The following C10orf71 variants were observed in gnomAD, a reference collection of about 807,000 sequenced individuals.
C10orf71 encodes the protein chromosome 10 open reading frame 71.
For missense variants in C10orf71, 1,869 were observed against 1,804.5 expected (o/e 1.04, Z -0.65); for synonymous variants, 758 against 726.3 (o/e 1.04, Z -0.70).
At chr10:49,307,496 G>A (rs186273104) in intron 1 of C10orf71, among the ~76,000 whole-genome samples, 52 of 152,372 alleles carry the variant, frequency 3.4e-4, no homozygotes, top group Admixed American at 5.2e-4. Context: ...GTCAGAAACT[G>A]CGCAAAGAGG....
rs200637376 is a variant in C10orf71, at chr10:49,322,512, C to T, written c.-34C>T. On this transcript the variant is annotated 5_prime_UTR_variant, in exon 3 of 3. Coordinates refer to ENST00000374144, the MANE Select transcript of C10orf71 (RefSeq NM_001135196.2). ...CAGAATCATCACCAGAGACACCTGC[C>T]GGCTGACAAGGACAGCTTTCTTGGA... The T allele has an allele frequency of 9.5e-5, 148 of 1,553,856 alleles. 1 individual carries two copies. In the East Asian group the frequency reaches 2.3e-3, roughly 24 times the overall value.
chr10:49,319,432 T>C (rs1849053496), intron 2 of C10orf71, among the ~76,000 whole-genome samples: 1 of 151,832 alleles, frequency 6.6e-6, no homozygotes, highest in Non-Finnish European at 1.5e-5. Flanking sequence ...TGAAAATTGG[T>C]ACAGCCACTA....
At chr10:49,318,174 C>T (rs1015231244) in intron 2 of C10orf71, among the ~76,000 whole-genome samples, 7 of 152,214 alleles carry the variant, frequency 4.6e-5, no homozygotes, top group East Asian at 1.9e-4. Context: ...ACTGACACAG[C>T]GGAGACAACA....
Position 49,322,029 on chromosome 10 carries a change from T to A in C10orf71, c.-144-373T>A, listed in dbSNP as rs555377040. On this transcript the variant is annotated intron_variant, in intron 2 of 2. Transcript: ENST00000374144. Reference sequence around the variant, plus strand: ...TTCTTCCATTCCATAGAATACCTTTTCATTTTTGTGATTGTTTCCCTTGCT... The same window carrying A: ...TTCTTCCATTCCATAGAATACCTTTACATTTTTGTGATTGTTTCCCTTGCT... Among the ~76,000 whole-genome samples the A allele has an allele frequency of 3.3e-5, 5 of 152,386 alleles. No homozygotes were observed. In the East Asian group the frequency reaches 5.8e-4, roughly 18 times the overall value.
chr10:49,318,053 C>A lies in C10orf71; in HGVS notation c.-145+1806C>A, dbSNP rs549698067. 1.1e-4 allele frequency among the ~76,000 whole-genome samples: 17 copies of A among 152,270 alleles called. No homozygotes were observed. The South Asian group carries it at 3.3e-3, about 30-fold the overall frequency. On this transcript the variant is annotated intron_variant, in intron 2 of 2. Transcript: ENST00000374144. Reference sequence around the variant, plus strand: ...GATTTTGGACTTCTAGCCTCCAGAACTGTGCGGCAATACATTTTCAATGTT... The same window carrying A: ...GATTTTGGACTTCTAGCCTCCAGAAATGTGCGGCAATACATTTTCAATGTT...
At chr10:49,317,577 G>A (rs554426497) in intron 2 of C10orf71, among the ~76,000 whole-genome samples, 21 of 152,200 alleles carry the variant, frequency 1.4e-4, no homozygotes, top group Admixed American at 7.9e-4. Flanking sequence ...TGGGCAGAGC[G>A]CAGTGGCTTA....
rs1849280812 is a variant in C10orf71, at chr10:49,327,249, C to T, written c.*396C>T. 1 of 360,038 alleles carries T rather than the reference C, an allele frequency of 2.8e-6. No individual in the cohort carries two copies. Among genetic ancestry groups the T allele is most frequent in the Admixed American group, 4.0e-5 (1 of 25,140 alleles). The allele number at this position is 360,038 out of a possible 1,614,324, so 22.3% of individuals were successfully genotyped here. The stretch of plus-strand genomic sequence containing the variant: ...CCAAGTGTCCCTCTGTACCCACACC[C>T]ACCCACTCACTTGTAAGCTCCTTGA... On this transcript the variant is annotated 3_prime_UTR_variant, in exon 3 of 3. Transcript: ENST00000374144.
At chr10:49,299,136 A>C (rs1590318418), upstream of C10orf71, 1 of 152,020 alleles carries the variant, frequency 6.6e-6, no homozygotes, top group South Asian at 2.1e-4. Flanking sequence ...GTTTAATCTG[A>C]CTGTTACTTG....
Position 49,305,785 on chromosome 10 carries a change from G to A in C10orf71, c.-248+6552G>A, listed in dbSNP as rs559211744. ...TAGCATTACCAGAAACGGGGCACCC[G>A]TAAGTTGGGCATAATTAGGGATGCC... On this transcript the variant is annotated intron_variant, in intron 1 of 2. Transcript: ENST00000374144. Among the ~76,000 whole-genome samples the A allele has an allele frequency of 7.2e-5, 11 of 152,370 alleles. No individual in the cohort carries two copies. In the East Asian group the frequency reaches 9.6e-4, roughly 13 times the overall value.
In C10orf71 at chr10:49,324,043, C is replaced by A. The variant is rs1225295821; in HGVS notation, c.1498C>A (p.Leu500Met). 2.8e-5 allele frequency: 45 copies of A among 1,613,750 alleles called. No homozygotes were observed. Among genetic ancestry groups the A allele is most frequent in the Non-Finnish European group, 3.6e-5 (42 of 1,179,848 alleles). ...DSYKSKAPSL[L>M]FNLKDVRKRV... ...CTACAAGTCCAAAGCCCCTAGCCTG[C>A]TGTTCAACCTCAAGGACGTGCGGAA... is the stretch of plus-strand genomic sequence containing the variant. Residue 500 changes from leucine to methionine, a missense_variant, in exon 3 of 3, where the codon CTG (leucine) becomes ATG (methionine). Transcript: ENST00000374144.
At chr10:49,321,758 G>A (rs1287835874) in intron 2 of C10orf71, among the ~76,000 whole-genome samples, 3 of 152,290 alleles carry the variant, frequency 2.0e-5, no homozygotes, top group East Asian at 1.9e-4. Context: ...CAGGCATGAT[G>A]TGATATGTCA....
chr10:49,306,635 T>A (rs186986231), intron 1 of C10orf71, among the ~76,000 whole-genome samples: 1 of 152,358 alleles, frequency 6.6e-6, no homozygotes, highest in East Asian at 1.9e-4. Context: ...GGCCAGAGAC[T>A]TGGGCAGTGC....
At chr10:49,298,690 C>G (rs1848675247), upstream of C10orf71, 1 of 152,244 alleles carries the variant, frequency 6.6e-6, no homozygotes. Context: ...GGACACTTAC[C>G]TTGCCTCTTC....
intron 2 of C10orf71, among the ~76,000 whole-genome samples, chr10:49,318,986 AGG>A (rs980304975): frequency 6.6e-6 from 1 of 152,162 alleles, no homozygotes; most frequent in African/African-American, 2.4e-5. Flanking sequence ...GCAGTGACTA[AGG>A]CCAGCCAAGC....
At chr10:49,315,201 A>T (rs1486023047) in intron 1 of C10orf71, among the ~76,000 whole-genome samples, 1 of 152,258 alleles carries the variant, frequency 6.6e-6, no homozygotes, top group Non-Finnish European at 1.5e-5. Flanking sequence ...CACCAATTCA[A>T]GCAATTATGA....
intron 2 of C10orf71, among the ~76,000 whole-genome samples, chr10:49,322,201 T>C (rs1849104990): frequency 6.6e-6 from 1 of 152,200 alleles, no homozygotes; most frequent in African/African-American, 2.4e-5. Context: ...ACTTAAAGTC[T>C]ACTGATTTTA....
Position 49,324,617 on chromosome 10 carries a change from C to T in C10orf71, c.2072C>T (p.Thr691Ile). 6.2e-7 allele frequency: 1 copy of T among 1,613,832 alleles called. No individual in the cohort carries two copies. The highest frequency in any genetic ancestry group is 2.2e-5 in the East Asian group (1 of 44,896). Residue 691 changes from threonine (T) to isoleucine (I), a missense_variant, in exon 3 of 3, where the codon ACA (threonine) becomes ATA (isoleucine). By Grantham distance (89) the Thr-to-Ile change is moderately conservative. Coordinates refer to ENST00000374144, the MANE Select transcript of C10orf71 (RefSeq NM_001135196.2). ...EPEREAGLQN[T>I]HLNQKFFPGP... ...GAGAGGGAAGCAGGACTTCAGAACACACATTTGAACCAGAAATTCTTCCCA... is the reference window on the plus strand; with the variant it reads ...GAGAGGGAAGCAGGACTTCAGAACATACATTTGAACCAGAAATTCTTCCCA...
At chr10:49,308,128 G>T (rs1018392995) in intron 1 of C10orf71, among the ~76,000 whole-genome samples, 2 of 152,216 alleles carry the variant, frequency 1.3e-5, no homozygotes, top group Admixed American at 1.3e-4. Context: ...GAGGGCAGCA[G>T]CCCCTGCTAC....
At chr10:49,299,907 G>A (rs1165584448) in intron 1 of C10orf71, among the ~76,000 whole-genome samples, 4 of 152,240 alleles carry the variant, frequency 2.6e-5, no homozygotes, top group Non-Finnish European at 5.9e-5. Context: ...GTTCTGGCCT[G>A]TGGGCTCTGC....
Sources: allele counts gnomAD v4.1 joint callset (sites outside exome capture counted in the v4.1 genomes callset), GRCh38; gene constraint gnomAD v4.1.1; transcripts MANE v1.5; gene names NCBI Gene and HGNC (gene_info 2026-07-23, HGNC 2026-07-21).